The following PTPRD variants were observed in gnomAD, a reference collection of about 807,000 sequenced individuals.
The protein encoded by PTPRD is receptor-type tyrosine-protein phosphatase delta.
A neutral mutation model predicts 214.5 loss-of-function variants in PTPRD; 34 were observed. That is an observed-to-expected ratio of 0.16 (90% confidence interval 0.12 to 0.21). The LOEUF is 0.21. Ranked by LOEUF, PTPRD falls within the 10% of genes least tolerant of loss-of-function variation. PTPRD has a pLI of 1.00. For missense variants in PTPRD, 2,545 were observed against 2,398.7 expected, an observed-to-expected ratio of 1.06 and a Z score of -1.27; for synonymous variants, 1,128 against 845.7, an observed-to-expected ratio of 1.33 and a Z score of -5.79.
intron 3 of PTPRD, among the ~76,000 whole-genome samples, chr9:10,165,775 A>T (rs977058967): frequency 1.1e-4 from 16 of 151,108 alleles, no homozygotes; most frequent in African/African-American, 3.9e-4. Flanking sequence ...ATTTTCTCTT[A>T]AAAAAAACCA....
intron 5 of PTPRD, among the ~76,000 whole-genome samples, chr9:9,893,932 C>G (rs2074189188): frequency 6.6e-6 from 1 of 152,002 alleles, no homozygotes; most frequent in Non-Finnish European, 1.5e-5. Flanking sequence ...CCTGTCTCAA[C>G]CTTTTGAGTA....
intron 9 of PTPRD, among the ~76,000 whole-genome samples, chr9:9,265,966 A>G (rs1939359799): frequency 6.6e-6 from 1 of 151,576 alleles, no homozygotes; most frequent in Admixed American, 6.6e-5. Context: ...ACAAGATCAA[A>G]TTATATGCCG....
chr9:8,985,958 T>C (rs954202508), intron 11 of PTPRD, among the ~76,000 whole-genome samples: 3 of 152,138 alleles, frequency 2.0e-5, no homozygotes, highest in Non-Finnish European at 4.4e-5. Context: ...ATCATTTCCA[T>C]TATTTCTTTC....
chr9:9,187,306 CA>C (rs1261969005), intron 9 of PTPRD, among the ~76,000 whole-genome samples: 2 of 151,980 alleles, frequency 1.3e-5, no homozygotes, highest in African/African-American at 4.8e-5. Context: ...GAATTGTTTG[CA>C]CATACTTCTC....
intron 7 of PTPRD, among the ~76,000 whole-genome samples, chr9:9,601,305 C>G (rs1189058554): frequency 6.6e-6 from 1 of 151,960 alleles, no homozygotes; most frequent in Non-Finnish European, 1.5e-5. Flanking sequence ...ACTTGCAGTT[C>G]AAGCTGAAAA....
intron 14 of PTPRD, among the ~76,000 whole-genome samples, chr9:8,600,285 C>T (rs973530864): frequency 6.6e-6 from 1 of 152,212 alleles, no homozygotes; most frequent in East Asian, 1.9e-4. Flanking sequence ...CTCACCATCA[C>T]AGGCTGAAGC....
chr9:9,327,378 C>T (rs892577181), intron 9 of PTPRD, among the ~76,000 whole-genome samples: 1 of 152,042 alleles, frequency 6.6e-6, no homozygotes, highest in African/African-American at 2.4e-5. Context: ...GAAATGGAAA[C>T]AGTTATTTGA....
At chr9:9,146,007 A>G in intron 10 of PTPRD, among the ~76,000 whole-genome samples, 1 of 152,148 alleles carries the variant, frequency 6.6e-6, no homozygotes, top group East Asian at 1.9e-4. Context: ...TGACCTAACT[A>G]CTTCTTTGTC....
At chr9:8,449,360 C>T (rs2095851686) in intron 34 of PTPRD, among the ~76,000 whole-genome samples, 1 of 151,702 alleles carries the variant, frequency 6.6e-6, no homozygotes, top group African/African-American at 2.4e-5. Context: ...TGTGTACAGT[C>T]ATCCATTTAC....
intron 6 of PTPRD, among the ~76,000 whole-genome samples, chr9:9,766,101 T>G (rs190703805): frequency 6.6e-6 from 1 of 152,244 alleles, no homozygotes; most frequent in Non-Finnish European, 1.5e-5. Flanking sequence ...CTCAGGAATC[T>G]TAGTTCCCTT....
intron 3 of PTPRD, among the ~76,000 whole-genome samples, chr9:10,298,175 T>C (rs1367680562): frequency 2.6e-5 from 4 of 152,082 alleles, no homozygotes; most frequent in Admixed American, 6.6e-5. Flanking sequence ...CAAACAACAA[T>C]CTTCTTTATT....
At chr9:8,859,202 A>T (rs935888255) in intron 11 of PTPRD, among the ~76,000 whole-genome samples, 5 of 152,180 alleles carry the variant, frequency 3.3e-5, no homozygotes, top group Non-Finnish European at 7.3e-5. Flanking sequence ...CTTTCATGCC[A>T]CTTGCTTTTA....
At chr9:8,692,757 CAA>C (rs138784494) in intron 12 of PTPRD, among the ~76,000 whole-genome samples, 5,372 of 152,252 alleles carry the variant, frequency 0.035, 173 homozygotes, top group East Asian at 0.097. Flanking sequence ...TATACTTCCA[CAA>C]AAGATTATTT....
At chr9:10,180,395 C>A (rs999744366) in intron 3 of PTPRD, among the ~76,000 whole-genome samples, 1 of 151,814 alleles carries the variant, frequency 6.6e-6, no homozygotes, top group Non-Finnish European at 1.5e-5. Context: ...ACTACTCTTC[C>A]CCTTGTTCAG....
chr9:10,417,794 C>A (rs2098506557), intron 2 of PTPRD, among the ~76,000 whole-genome samples: 1 of 151,746 alleles, frequency 6.6e-6, no homozygotes, highest in South Asian at 2.1e-4. Context: ...CCAATATGAA[C>A]TGAATCTTAA....
At chr9:9,549,170 C>T (rs1591355743) in intron 8 of PTPRD, among the ~76,000 whole-genome samples, 1 of 151,994 alleles carries the variant, frequency 6.6e-6, no homozygotes, top group Non-Finnish European at 1.5e-5. Flanking sequence ...CGGGCTTAAT[C>T]ATTTTTTAAA....
intron 5 of PTPRD, among the ~76,000 whole-genome samples, chr9:9,850,742 G>A (rs2060405836): frequency 6.6e-6 from 1 of 152,006 alleles, no homozygotes; most frequent in African/African-American, 2.4e-5. Flanking sequence ...GTTATTAACT[G>A]TAGTCACTAT....
intron 7 of PTPRD, among the ~76,000 whole-genome samples, chr9:9,720,749 C>A (rs1052869455): frequency 2.0e-5 from 3 of 151,994 alleles, no homozygotes; most frequent in South Asian, 4.2e-4. Context: ...ACCTAAATGC[C>A]CATCAATGAC....
chr9:8,743,518 T>A (rs1462265610), intron 11 of PTPRD, among the ~76,000 whole-genome samples: 1 of 152,134 alleles, frequency 6.6e-6, no homozygotes, highest in African/African-American at 2.4e-5. Context: ...AGTGGAACGG[T>A]GAAAGGCTGT....
Sources: gnomAD v4.1 joint callset for allele counts (sites outside exome capture counted in the v4.1 genomes callset) on GRCh38, gnomAD v4.1.1 for gene constraint, MANE v1.5 for transcripts, NCBI Gene and HGNC (gene_info 2026-07-23, HGNC 2026-07-21) for gene names.